Variants in LHFPL3 observed in about 807,000 individuals in gnomAD.
The protein encoded by LHFPL3 is LHFPL tetraspan subfamily member 3.
In LHFPL3, 5 loss-of-function variants were observed where a neutral mutation model predicts 19.3. That is an observed-to-expected ratio of 0.26 (90% CI 0.14 to 0.54). The LOEUF (loss-of-function observed/expected upper bound fraction) is 0.54, where lower values mean the gene tolerates loss of function less well. LHFPL3 is among the 20% of genes least tolerant of loss of function. The pLI is 0.94. For missense variants in LHFPL3, 249 were observed against 307.4 expected, an observed-to-expected ratio of 0.81 and a Z score of 1.42; for synonymous variants, 133 against 126.2, an observed-to-expected ratio of 1.05 and a Z score of -0.36.
At chr7:104,611,270 C>T (rs1791208905) in intron 1 of LHFPL3, among the ~76,000 whole-genome samples, 1 of 152,098 alleles carries the variant, frequency 6.6e-6, no homozygotes, top group Admixed American at 6.6e-5. Flanking sequence ...ATTGTTATCC[C>T]CAGTTTACAA....
At chr7:104,901,348 C>A (rs140853429) in intron 2 of LHFPL3, among the ~76,000 whole-genome samples, 1 of 152,114 alleles carries the variant, frequency 6.6e-6, no homozygotes, top group Non-Finnish European at 1.5e-5. Flanking sequence ...TATTATTCAG[C>A]CTAAGAGTCT....
At chr7:104,541,932 G>T (rs1794492535) in intron 1 of LHFPL3, among the ~76,000 whole-genome samples, 1 of 152,070 alleles carries the variant, frequency 6.6e-6, no homozygotes, top group African/African-American at 2.4e-5. Flanking sequence ...AGGACCCTGG[G>T]AAGGGGATGA....
intron 1 of LHFPL3, among the ~76,000 whole-genome samples, chr7:104,354,986 A>G (rs1367725188): frequency 6.6e-6 from 1 of 152,210 alleles, no homozygotes; most frequent in East Asian, 1.9e-4. Context: ...GCAAATCTCA[A>G]TTTGGATGCT....
intron 2 of LHFPL3, among the ~76,000 whole-genome samples, chr7:104,865,128 A>C (rs1346275635): frequency 6.6e-6 from 1 of 152,184 alleles, no homozygotes; most frequent in Non-Finnish European, 1.5e-5. Flanking sequence ...ATGGGGAAAA[A>C]ACAGCAGAAA....
At chr7:104,756,083 G>A in intron 2 of LHFPL3, among the ~76,000 whole-genome samples, 1 of 152,072 alleles carries the variant, frequency 6.6e-6, no homozygotes, top group East Asian at 1.9e-4. Context: ...TGGGGATGGA[G>A]ATCTGTCCTT....
chr7:104,596,808 G>T (rs1055999940), intron 1 of LHFPL3, among the ~76,000 whole-genome samples: 2 of 152,130 alleles, frequency 1.3e-5, no homozygotes, highest in Non-Finnish European at 2.9e-5. Context: ...CTAGGTCTTT[G>T]CACTCTTCAT....
intron 1 of LHFPL3, among the ~76,000 whole-genome samples, chr7:104,463,809 C>A (rs1166074029): frequency 6.6e-6 from 1 of 152,196 alleles, no homozygotes; most frequent in East Asian, 1.9e-4. Flanking sequence ...ATGGGAACTA[C>A]AATTCAAGAT....
chr7:104,638,783 G>T (rs1349896111), intron 1 of LHFPL3, among the ~76,000 whole-genome samples: 17 of 144,502 alleles, frequency 1.2e-4, no homozygotes, highest in African/African-American at 4.4e-4. Context: ...TTTTTCTTGA[G>T]ACAGAGTCTC....
intron 1 of LHFPL3, among the ~76,000 whole-genome samples, chr7:104,605,255 CCT>C (rs1275103457): frequency 6.6e-6 from 1 of 152,086 alleles, no homozygotes; most frequent in Non-Finnish European, 1.5e-5. Flanking sequence ...TATCCTTTAA[CCT>C]CTCTCCCCTT....
intron 1 of LHFPL3, among the ~76,000 whole-genome samples, chr7:104,593,461 C>T (rs1223346359): frequency 6.6e-6 from 1 of 152,070 alleles, no homozygotes; most frequent in Non-Finnish European, 1.5e-5. Flanking sequence ...ACTTCCAAGT[C>T]TGTGGTCATT....
At chr7:104,629,181 C>T (rs1239071293) in intron 1 of LHFPL3, among the ~76,000 whole-genome samples, 2 of 152,150 alleles carry the variant, frequency 1.3e-5, no homozygotes, top group Non-Finnish European at 2.9e-5. Flanking sequence ...GGTTCTCCCA[C>T]ATTTCTTCTG....
intron 1 of LHFPL3, among the ~76,000 whole-genome samples, chr7:104,421,381 C>T (rs904600349): frequency 3.9e-5 from 6 of 152,010 alleles, no homozygotes; most frequent in Non-Finnish European, 7.4e-5. Context: ...GGACAAACCT[C>T]AACATGTTAC....
At chr7:104,900,320 G>C (rs1792457734) in intron 2 of LHFPL3, among the ~76,000 whole-genome samples, 1 of 152,176 alleles carries the variant, frequency 6.6e-6, no homozygotes, top group South Asian at 2.1e-4. Context: ...TGGAAGAAGA[G>C]AAAGAGACGT....
chr7:104,770,511 A>G (rs57311688), intron 2 of LHFPL3, among the ~76,000 whole-genome samples: 4,602 of 152,312 alleles, frequency 0.03, 281 homozygotes, highest in East Asian at 0.27. Flanking sequence ...TTTCATGTAC[A>G]CACAAATGCT....
chr7:104,752,989 G>T (rs528312813), intron 2 of LHFPL3, among the ~76,000 whole-genome samples: 1 of 152,186 alleles, frequency 6.6e-6, no homozygotes, highest in South Asian at 2.1e-4. Context: ...AATATTAGGG[G>T]TCACTCTTTG....
intron 1 of LHFPL3, among the ~76,000 whole-genome samples, chr7:104,446,767 A>G (rs10267467): frequency 0.25 from 37,522 of 151,750 alleles, 5,583 homozygotes; most frequent in African/African-American, 0.42. Context: ...TAGTAGAGAC[A>G]GGGTTTCACT....
chr7:104,677,812 A>G (rs1470818688), intron 1 of LHFPL3, among the ~76,000 whole-genome samples: 1 of 152,262 alleles, frequency 6.6e-6, no homozygotes, highest in Non-Finnish European at 1.5e-5. Context: ...TTTGCAGATT[A>G]GCACGTGTCC....
At chr7:104,620,145 G>A (rs1791418295) in intron 1 of LHFPL3, among the ~76,000 whole-genome samples, 1 of 152,158 alleles carries the variant, frequency 6.6e-6, no homozygotes, top group Non-Finnish European at 1.5e-5. Context: ...TCAAGATCAT[G>A]TGATAAGGGT....
chr7:104,880,540 T>A (rs1792028227), intron 2 of LHFPL3, among the ~76,000 whole-genome samples: 1 of 152,078 alleles, frequency 6.6e-6, no homozygotes, highest in African/African-American at 2.4e-5. Context: ...AATCTTAGGG[T>A]CCTTACAGAT....
Sources: allele counts gnomAD v4.1 joint callset (sites outside exome capture counted in the v4.1 genomes callset), GRCh38; gene constraint gnomAD v4.1.1; transcripts MANE v1.5; gene names NCBI Gene and HGNC (gene_info 2026-07-23, HGNC 2026-07-21).